The following SIK3 variants were observed in gnomAD, a reference collection of about 807,000 sequenced individuals.
SIK3 encodes the protein serine/threonine-protein kinase SIK3.
SIK3 carries 28 observed loss-of-function variants against 144.2 expected under a neutral mutation model. The observed-to-expected ratio is 0.19, with a 90% CI of 0.14 to 0.27. The LOEUF (loss-of-function observed/expected upper bound fraction) is 0.27, where lower values mean the gene tolerates loss of function less well. Ranked by LOEUF, SIK3 falls within the 10% of genes least tolerant of loss-of-function variation. The probability of loss-of-function intolerance (pLI) is 1.00; values close to 1 mark genes in which losing one functional copy is unlikely to be tolerated. For missense variants in SIK3, 1,319 were observed against 1,776.0 expected (o/e 0.74, Z 4.62); for synonymous variants, 686 against 676.3 (o/e 1.01, Z -0.22).
chr11:116,930,829 C>G (rs1947564884), intron 3 of SIK3, among the ~76,000 whole-genome samples: 1 of 150,420 alleles, frequency 6.6e-6, no homozygotes, highest in Non-Finnish European at 1.5e-5. Flanking sequence ...AAAGTCAAGT[C>G]CATCACACTA....
chr11:116,848,279 G>A (rs1013914647), intron 22 of SIK3, among the ~76,000 whole-genome samples: 2 of 152,224 alleles, frequency 1.3e-5, no homozygotes, highest in South Asian at 2.1e-4. Flanking sequence ...CCCGGGAGGC[G>A]GAGCTTGCAG....
At chr11:116,991,558 T>G (rs1350239348) in intron 1 of SIK3, among the ~76,000 whole-genome samples, 1 of 152,222 alleles carries the variant, frequency 6.6e-6, no homozygotes, top group East Asian at 1.9e-4. Flanking sequence ...AATTCATTAT[T>G]TAACATATAG....
In SIK3 at chr11:116,861,878, C is replaced by A; in HGVS notation, c.2278G>T (p.Glu760Ter). 1 of 1,612,354 alleles carries A rather than the reference C, an allele frequency of 6.2e-7. No homozygotes were observed. Among genetic ancestry groups the A allele is most frequent in the Non-Finnish European group, 8.5e-7 (1 of 1,179,360 alleles). Residue 760 changes from glutamate to a stop codon, truncating the protein, a stop_gained, in exon 18 of 25, where the codon GAA (glutamate) becomes TAA (stop). Transcript: ENST00000445177. LOFTEE classifies it high-confidence loss of function. ...TGGGTAAGGAGGGCTGGCTGATTTT[C>A]ACATGCAGCCTGAAGAGGTGGAGAT... ...QPSPPLQAAC[E>*]NQPALLTHQL...
Position 116,954,113 on chromosome 11 carries a change from G to A in SIK3, c.391-6C>T, listed in dbSNP as rs376845724. On this transcript the variant is annotated splice_region_variant and splice_polypyrimidine_tract_variant and intron_variant, in intron 2 of 24. Coordinates refer to ENST00000445177, the MANE Select transcript of SIK3 (RefSeq NM_001366686.3). ...ATCCGTTCTGTCTCCATAACCTGGT[G>A]CAAAGGCAGGAAAGTGACAGACAGT... 1.4e-5 allele frequency: 22 copies of A among 1,613,374 alleles called. No individual in the cohort carries two copies. The African/African-American group carries it at 2.1e-4, about 16-fold the overall frequency.
chr11:116,987,461 A>C (rs901809021), intron 1 of SIK3, among the ~76,000 whole-genome samples: 34 of 152,188 alleles, frequency 2.2e-4, no homozygotes, highest in African/African-American at 8.2e-4. Flanking sequence ...ATAACTCTTC[A>C]AGAGTACTAC....
chr11:116,908,009 G>GT (rs1946138052), intron 4 of SIK3, among the ~76,000 whole-genome samples: 1 of 148,384 alleles, frequency 6.7e-6, no homozygotes, highest in African/African-American at 2.5e-5. Context: ...AAAAAAGCAG[G>GT]TATCTTTACG....
intron 6 of SIK3, among the ~76,000 whole-genome samples, chr11:116,883,121 AGAACAAGAC>A (rs1944631012): frequency 6.6e-6 from 1 of 152,218 alleles, no homozygotes; most frequent in East Asian, 1.9e-4. Context: ...TATAGCAAAC[AGAACAAGAC>A]CAATGGATGG....
chr11:116,975,664 A>G (rs1949923147), intron 1 of SIK3, among the ~76,000 whole-genome samples: 1 of 152,230 alleles, frequency 6.6e-6, no homozygotes, highest in Non-Finnish European at 1.5e-5. Flanking sequence ...TAATGCTGCC[A>G]TGAACATTCA....
intron 1 of SIK3, among the ~76,000 whole-genome samples, chr11:117,004,756 G>A (rs765372556): frequency 1.5e-4 from 23 of 152,180 alleles, no homozygotes; most frequent in Non-Finnish European, 2.6e-4. Flanking sequence ...ACCAACTCTT[G>A]TAAGATTCCT....
At chr11:117,025,746 A>G (rs1951982142) in intron 1 of SIK3, among the ~76,000 whole-genome samples, 1 of 152,062 alleles carries the variant, frequency 6.6e-6, no homozygotes, top group African/African-American at 2.4e-5. Context: ...CTTTCTTTAA[A>G]AGTGCTCTGC....
chr11:117,073,981 T>C (rs546183661), intron 1 of SIK3, among the ~76,000 whole-genome samples: 2 of 152,312 alleles, frequency 1.3e-5, no homozygotes, highest in East Asian at 3.9e-4. Context: ...AGTGGCACAA[T>C]CATAATTCAC....
chr11:117,030,679 ATTTGT>A (rs1280055762), intron 1 of SIK3, among the ~76,000 whole-genome samples: 7 of 152,032 alleles, frequency 4.6e-5, no homozygotes, highest in Non-Finnish European at 8.8e-5. Context: ...CTTTAAAACA[ATTTGT>A]TTTAAGACAC....
At chr11:116,978,680 T>A (rs1316085722) in intron 1 of SIK3, among the ~76,000 whole-genome samples, 2 of 152,088 alleles carry the variant, frequency 1.3e-5, no homozygotes, top group South Asian at 2.1e-4. Context: ...ATATTTTTTT[T>A]AATTTGTTGT....
intron 1 of SIK3, among the ~76,000 whole-genome samples, chr11:116,967,504 AAC>A (rs1165394152): frequency 6.6e-6 from 1 of 152,238 alleles, no homozygotes; most frequent in Non-Finnish European, 1.5e-5. Flanking sequence ...AAGGACTAAT[AAC>A]ACAGTCTGCG....
At chr11:116,931,826 C>T (rs987483430) in intron 3 of SIK3, among the ~76,000 whole-genome samples, 2 of 152,188 alleles carry the variant, frequency 1.3e-5, no homozygotes, top group African/African-American at 4.8e-5. Context: ...CTCAGCTCCC[C>T]CTAAGCAGGT....
At chr11:117,096,867 G>A (rs1361646448) in intron 1 of SIK3, among the ~76,000 whole-genome samples, 6 of 152,190 alleles carry the variant, frequency 3.9e-5, no homozygotes, top group Admixed American at 2.0e-4. Flanking sequence ...ATGACAACCA[G>A]AGGCTAGGCT....
At chr11:116,932,705 A>C (rs1290792228) in intron 3 of SIK3, among the ~76,000 whole-genome samples, 2 of 152,190 alleles carry the variant, frequency 1.3e-5, no homozygotes, top group African/African-American at 4.8e-5. Flanking sequence ...AGAAACCACT[A>C]ATCTGTTTCC....
At chr11:116,865,479 T>G (rs1194172028) in intron 15 of SIK3, among the ~76,000 whole-genome samples, 1 of 152,144 alleles carries the variant, frequency 6.6e-6, no homozygotes, top group East Asian at 1.9e-4. Context: ...TTATTTTTAT[T>G]TGCAATCACA....
chr11:116,908,165 A>T (rs574282760), intron 4 of SIK3, among the ~76,000 whole-genome samples: 5 of 152,266 alleles, frequency 3.3e-5, no homozygotes, highest in African/African-American at 9.6e-5. Flanking sequence ...GTGAGGGAGG[A>T]TATTTGTAAC....
Sources: allele counts gnomAD v4.1 joint callset (sites outside exome capture counted in the v4.1 genomes callset), GRCh38; gene constraint gnomAD v4.1.1; transcripts MANE v1.5; gene names NCBI Gene and HGNC (gene_info 2026-07-23, HGNC 2026-07-21).